The following MED15 variants were observed in gnomAD, a reference collection of about 807,000 sequenced individuals.
MED15 encodes the protein mediator of RNA polymerase II transcription subunit 15.
MED15 carries 41 observed loss-of-function variants against 118.7 expected under a neutral mutation model. The ratio of observed to expected loss-of-function variants is 0.35; its 90% CI spans 0.27 to 0.45. MED15 has a LOEUF of 0.45. Among genes scored for constraint, MED15 ranks in the 20% least tolerant of loss-of-function variants. MED15 has a pLI of 1.00. For synonymous variants in MED15, 436 were observed against 413.9 expected (o/e 1.05, Z -0.65); for missense variants, 740 against 1,025.5 (o/e 0.72, Z 3.80).
At chr22:20,566,880 A>G in intron 7 of MED15, 63 bp downstream of exon 7, 1 of 1,582,056 alleles carries the variant, frequency 6.3e-7, no homozygotes, top group Non-Finnish European at 8.6e-7. Context: ...AGTAGTTTCT[A>G]GGCTCTTTGG....
chr22:20,582,585 C>T (rs767210274), intron 9 of MED15, 26 bp from the exon 10 acceptor site: 17 of 1,537,310 alleles, frequency 1.1e-5, no homozygotes, highest in Admixed American at 3.9e-5. Flanking sequence ...TGTGGCAGCG[C>T]GCCGGCTGAG....
chr22:20,518,522 C>G (rs1029783810), intron 1 of MED15, among the ~76,000 whole-genome samples: 3 of 152,180 alleles, frequency 2.0e-5, no homozygotes, highest in African/African-American at 7.2e-5. Flanking sequence ...TGATGGTTAG[C>G]TCAGCCTGTG....
At chr22:20,584,009 T>A (rs548481210) in intron 13 of MED15, 1 of 316,336 alleles carries the variant, frequency 3.2e-6, no homozygotes, top group Admixed American at 4.4e-5. Context: ...AGAATGCCAG[T>A]CACTATTGGG....
intron 4 of MED15, among the ~76,000 whole-genome samples, chr22:20,553,513 T>G (rs1385495115): frequency 1.3e-5 from 2 of 152,210 alleles, no homozygotes; most frequent in African/African-American, 4.8e-5. Flanking sequence ...AGTGTAATAA[T>G]ATGTAGTAGC....
chr22:20,555,478 T>C lies in MED15; in HGVS notation c.451+330T>C, dbSNP rs182735814. On this transcript the variant is annotated intron_variant, in intron 5 of 17. Coordinates refer to ENST00000263205, the MANE Select transcript of MED15 (RefSeq NM_001003891.3). ...AGGGTTCTCAGCTACAAGGCAGGGC[T>C]GAGTGCCAGCAACCACAACTCCACT... 2.7e-3 allele frequency among the ~76,000 whole-genome samples: 411 copies of C among 152,314 alleles called. 6 individuals carry two copies. Among genetic ancestry groups the C allele is most frequent in the Non-Finnish European group, 5.1e-4 (35 of 68,032 alleles).
At chr22:20,582,165 G>T (rs1214212486) in intron 9 of MED15, 3 of 227,300 alleles carry the variant, frequency 1.3e-5, no homozygotes, top group Admixed American at 6.1e-5. Context: ...CCTGGGGGCT[G>T]CGGGGGCTTG....
intron 1 of MED15, among the ~76,000 whole-genome samples, chr22:20,521,407 T>G (rs1230874136): frequency 6.8e-6 from 1 of 147,904 alleles, no homozygotes; most frequent in African/African-American, 2.5e-5. Context: ...TGTGTTTTTG[T>G]TTTTTTTGAG....
intron 4 of MED15, 130 bp from the exon 5 acceptor site, chr22:20,554,806 C>A (rs1383864485): frequency 2.3e-6 from 2 of 879,108 alleles, no homozygotes; most frequent in Non-Finnish European, 3.5e-6. Flanking sequence ...TAGTCTCTTA[C>A]TGCTTGGGGC....
intron 5 of MED15, among the ~76,000 whole-genome samples, chr22:20,558,607 T>A (rs2056109019): frequency 6.6e-6 from 1 of 152,182 alleles, no homozygotes; most frequent in South Asian, 2.1e-4. Context: ...TCCTCCTGGA[T>A]AACTAGGTTC....
intron 2 of MED15, among the ~76,000 whole-genome samples, chr22:20,547,318 C>T (rs1183183980): frequency 6.6e-6 from 1 of 152,146 alleles, no homozygotes; most frequent in Non-Finnish European, 1.5e-5. Context: ...GATTCTGCCA[C>T]CAACTTAATA....
At chr22:20,547,113 A>G (rs2055574387) in intron 2 of MED15, among the ~76,000 whole-genome samples, 1 of 152,134 alleles carries the variant, frequency 6.6e-6, no homozygotes, top group Non-Finnish European at 1.5e-5. Context: ...TATTATTAGC[A>G]TACTTGGTTG....
chr22:20,566,742 G>A lies in MED15; in HGVS notation c.966G>A (p.Ser322=), dbSNP rs777724806. Residue 322 remains serine (S), a synonymous_variant, in exon 7 of 18, where the codon TCG becomes TCA. Coordinates refer to ENST00000263205, the MANE Select transcript of MED15 (RefSeq NM_001003891.3). The part of the protein sequence containing the change: ...QNQPSQLPPQ[S]QTQPLVSQAQ... ...AACCATCACAACTCCCGCCACAGTC[G>A]CAGACCCAGCCTTTGGTGTCACAGG... is the stretch of plus-strand genomic sequence containing the variant. 2.5e-6 allele frequency: 4 copies of A among 1,614,194 alleles called. No homozygotes were observed. The highest frequency in any genetic ancestry group is 1.7e-6 in the Non-Finnish European group (2 of 1,180,044).
At chr22:20,554,793 G>C (rs1408095732) in intron 4 of MED15, 143 bp from the exon 5 acceptor site, 3 of 767,788 alleles carry the variant, frequency 3.9e-6, no homozygotes, top group African/African-American at 1.7e-5. Flanking sequence ...GTCTCCAGGA[G>C]CCTAGTCTCT....
chr22:20,585,093 C>T lies in MED15; in HGVS notation c.1965-8C>T, dbSNP rs2057094622. ...GTGCCAGGTGTGGTCACCATGCCGC[C>T]TCCCCAGGGCCCCAGTGGTGTGCAC... On this transcript the variant is annotated splice_region_variant and splice_polypyrimidine_tract_variant and intron_variant, in intron 15 of 17. Coordinates refer to ENST00000263205, the MANE Select transcript of MED15 (RefSeq NM_001003891.3). The T allele has an allele frequency of 6.2e-7, 1 of 1,613,498 alleles. No homozygotes were observed. Among genetic ancestry groups the T allele is most frequent in the South Asian group, 1.1e-5 (1 of 91,074 alleles).
chr22:20,558,461 C>A lies in MED15; in HGVS notation c.451+3313C>A, dbSNP rs566348433. Among the ~76,000 whole-genome samples the A allele has an allele frequency of 4.6e-5, 7 of 152,302 alleles. 1 individual carries two copies. The East Asian group carries it at 9.6e-4, about 21-fold the overall frequency. Reference sequence around the variant, plus strand: ...TGTTCCTATGGCTGGGGCTGCAGTACAGAGTTGGAAGCAAAGCTTTTCACT... The same window carrying A: ...TGTTCCTATGGCTGGGGCTGCAGTAAAGAGTTGGAAGCAAAGCTTTTCACT... On this transcript the variant is annotated intron_variant, in intron 5 of 17. Transcript: ENST00000263205.
chr22:20,560,941 A>G (rs927352296), intron 5 of MED15, among the ~76,000 whole-genome samples: 28 of 152,198 alleles, frequency 1.8e-4, no homozygotes, highest in Admixed American at 8.5e-4. Flanking sequence ...TATGAAATAA[A>G]TGCAAGTCAG....
intron 8 of MED15, 79 bp downstream of exon 8, chr22:20,568,710 T>C: frequency 6.5e-7 from 1 of 1,548,318 alleles, no homozygotes; most frequent in East Asian, 2.4e-5. Flanking sequence ...ACAGTGAGGG[T>C]TCTGGTTGGA....
At position 20,531,549 on chromosome 22, in the gene MED15, C is replaced by T. The variant is rs899906016; in HGVS notation, c.69-5568C>T. Among the ~76,000 whole-genome samples, 7 of 152,242 alleles carry T rather than the reference C, an allele frequency of 4.6e-5. No homozygotes were observed. In the East Asian group the frequency reaches 5.8e-4, roughly 13 times the overall value. On this transcript the variant is annotated intron_variant, in intron 1 of 17. Coordinates refer to ENST00000263205, the MANE Select transcript of MED15 (RefSeq NM_001003891.3). ...AGGCCCAGCTGCCTGCCCCAGCACA[C>T]GCCTTCTCCCAGGCACCCTGGCCTC...
Position 20,551,477 on chromosome 22 carries a change from T to C in MED15, c.198T>C (p.Phe66=). ...TCGTGGCCAGGCTCATTATCCATTT[T>C]CGAGACATTCGTAAGTAAGATTTTG... ...LSLVARLIIH[F]RDIHNKKSQA... is the part of the protein sequence containing the mutation. Residue 66 remains phenylalanine, a synonymous_variant, in exon 3 of 18, where the codon TTT becomes TTC. Coordinates refer to ENST00000263205, the MANE Select transcript of MED15 (RefSeq NM_001003891.3). 6.2e-7 allele frequency: 1 copy of C among 1,614,106 alleles called. No individual in the cohort carries two copies. Among genetic ancestry groups the C allele is most frequent in the Non-Finnish European group, 8.5e-7 (1 of 1,179,926 alleles).
Sources: gnomAD v4.1 joint callset for allele counts (sites outside exome capture counted in the v4.1 genomes callset) on GRCh38, gnomAD v4.1.1 for gene constraint, MANE v1.5 for transcripts, NCBI Gene and HGNC (gene_info 2026-07-23, HGNC 2026-07-21) for gene names.